DTD1: variants seen among roughly 807,000 people sequenced by gnomAD.
DTD1 encodes the protein D-tyrosyl-tRNA deacylase 1 homolog.
Under a neutral mutation model 25.6 loss-of-function variants are expected in DTD1, and 13 were observed. That is an observed-to-expected ratio of 0.51 (90% CI 0.33 to 0.81). The LOEUF (loss-of-function observed/expected upper bound fraction) is 0.81. Ranked by LOEUF, DTD1 falls within the 30% of genes least tolerant of loss-of-function variation. The pLI, the probability that DTD1 is intolerant of heterozygous loss-of-function variation, is 0.02. For synonymous variants in DTD1, 110 were observed against 103.6 expected (o/e 1.06, Z -0.37); for missense variants, 193 against 266.4 (o/e 0.72, Z 1.92).
At chr20:18,762,394 G>A (rs1020222854) in intron 5 of DTD1, among the ~76,000 whole-genome samples, 2 of 152,070 alleles carry the variant, frequency 1.3e-5, no homozygotes, top group Non-Finnish European at 2.9e-5. Context: ...TTATAGCCTC[G>A]GAATTACAAA....
intron 4 of DTD1, among the ~76,000 whole-genome samples, chr20:18,738,031 G>A (rs58162149): frequency 0.013 from 2,054 of 152,320 alleles, 33 homozygotes; most frequent in African/African-American, 0.02. Flanking sequence ...AGCAGGCCTG[G>A]CTTCGTGTGA....
chr20:18,701,829 C>T (rs753172492), intron 4 of DTD1, among the ~76,000 whole-genome samples: 3 of 152,218 alleles, frequency 2.0e-5, no homozygotes, highest in African/African-American at 4.8e-5. Context: ...TTCTTTAAGT[C>T]TCTCGAATTG....
intron 4 of DTD1, among the ~76,000 whole-genome samples, chr20:18,664,744 G>A (rs779532212): frequency 6.6e-5 from 10 of 151,870 alleles, no homozygotes; most frequent in Admixed American, 3.9e-4. Context: ...TTAATCTACG[G>A]TTCTGGCAGA....
intron 4 of DTD1, among the ~76,000 whole-genome samples, chr20:18,633,828 C>A (rs2060797478): frequency 6.6e-6 from 1 of 152,184 alleles, no homozygotes; most frequent in Non-Finnish European, 1.5e-5. Context: ...GTAAAGGTAA[C>A]CAGCAGTTTG....
chr20:18,608,780 C>T (rs2060673687), intron 3 of DTD1, among the ~76,000 whole-genome samples: 1 of 152,178 alleles, frequency 6.6e-6, no homozygotes, highest in Non-Finnish European at 1.5e-5. Flanking sequence ...GGTGTGCCAA[C>T]CTAGTTCGAC....
intron 4 of DTD1, among the ~76,000 whole-genome samples, chr20:18,701,088 T>C (rs2061102821): frequency 1.3e-5 from 2 of 152,164 alleles, no homozygotes; most frequent in Non-Finnish European, 2.9e-5. Context: ...TTAGGGATGG[T>C]GAGCCCCAGA....
chr20:18,653,202 G>GA (rs2060880229), intron 4 of DTD1, among the ~76,000 whole-genome samples: 1 of 152,198 alleles, frequency 6.6e-6, no homozygotes, highest in Non-Finnish European at 1.5e-5. Context: ...AGGAGTTTGA[G>GA]AAGAGCCTGG....
At chr20:18,633,312 C>A (rs1020093334) in intron 4 of DTD1, among the ~76,000 whole-genome samples, 1 of 152,176 alleles carries the variant, frequency 6.6e-6, no homozygotes, top group Non-Finnish European at 1.5e-5. Flanking sequence ...TCTTTCCTAC[C>A]TCGGAGCTCT....
At chr20:18,728,777 C>T (rs573781748) in intron 4 of DTD1, among the ~76,000 whole-genome samples, 163 of 152,250 alleles carry the variant, frequency 1.1e-3, no homozygotes, top group Middle Eastern at 6.8e-3. Context: ...AAGCCCCTGC[C>T]TGGGTCCCCT....
intron 3 of DTD1, among the ~76,000 whole-genome samples, chr20:18,618,672 T>TACACACACACAC (rs751474809): frequency 2.1e-3 from 279 of 130,548 alleles, no homozygotes; most frequent in East Asian, 4.9e-3. Flanking sequence ...CATAATTTTA[T>TACACACACACAC]ACACACACAC....
chr20:18,631,299 G>A (rs1425149873), intron 4 of DTD1: 9 of 984,480 alleles, frequency 9.1e-6, no homozygotes, highest in East Asian at 1.1e-4. Flanking sequence ...AAATTTCAAG[G>A]TGGTGACATA....
intron 1 of DTD1, 70 bp downstream of exon 1, chr20:18,588,185 G>C (rs2060573674): frequency 8.4e-7 from 1 of 1,195,594 alleles, no homozygotes; most frequent in African/African-American, 1.6e-5. Flanking sequence ...TTGCGTGGGG[G>C]GTCTTCCTGC....
intron 4 of DTD1, among the ~76,000 whole-genome samples, chr20:18,727,861 T>C (rs1368236943): frequency 6.6e-6 from 1 of 152,230 alleles, no homozygotes; most frequent in Non-Finnish European, 1.5e-5. Context: ...TCTTCCATCA[T>C]GTGGATATAG....
chr20:18,738,221 G>C (rs1252622076), intron 4 of DTD1, among the ~76,000 whole-genome samples: 1 of 152,216 alleles, frequency 6.6e-6, no homozygotes, highest in African/African-American at 2.4e-5. Flanking sequence ...GAAGAATGCG[G>C]GGTTTGGCGT....
chr20:18,612,587 C>G (rs1042714546), intron 3 of DTD1, among the ~76,000 whole-genome samples: 4 of 152,128 alleles, frequency 2.6e-5, no homozygotes, highest in Non-Finnish European at 4.4e-5. Context: ...TCTCTAGAAC[C>G]TGAGCTTCAC....
chr20:18,691,689 A>G (rs535443777), intron 4 of DTD1, among the ~76,000 whole-genome samples: 2 of 152,344 alleles, frequency 1.3e-5, no homozygotes, highest in East Asian at 3.9e-4. Context: ...TGATGAGATC[A>G]TCTGTACCAT....
At chr20:18,619,029 G>C (rs1255052176) in intron 3 of DTD1, among the ~76,000 whole-genome samples, 2 of 151,714 alleles carry the variant, frequency 1.3e-5, no homozygotes, top group Admixed American at 1.3e-4. Flanking sequence ...ATATTTTGTA[G>C]AAACAAGGTC....
At chr20:18,634,400 C>T (rs940147793) in intron 4 of DTD1, among the ~76,000 whole-genome samples, 1 of 152,178 alleles carries the variant, frequency 6.6e-6, no homozygotes, top group African/African-American at 2.4e-5. Context: ...TATTTACATT[C>T]TCATTTATTT....
At chr20:18,739,973 C>T (rs2061270865) in intron 4 of DTD1, among the ~76,000 whole-genome samples, 1 of 151,924 alleles carries the variant, frequency 6.6e-6, no homozygotes, top group Non-Finnish European at 1.5e-5. Flanking sequence ...TGGGCTGTGC[C>T]TGTCATTTAA....
Sources: gnomAD v4.1 joint callset for allele counts (sites outside exome capture counted in the v4.1 genomes callset) on GRCh38, gnomAD v4.1.1 for gene constraint, MANE v1.5 for transcripts, NCBI Gene and HGNC (gene_info 2026-07-23, HGNC 2026-07-21) for gene names.